The following DYM variants were observed in gnomAD, a reference collection of about 807,000 sequenced individuals.
DYM encodes the protein dymeclin.
A neutral mutation model predicts 93.1 loss-of-function variants in DYM; 78 were observed. That is an observed-to-expected ratio of 0.84 (90% confidence interval 0.70 to 1.01). The LOEUF (loss-of-function observed/expected upper bound fraction) is 1.01. DYM is among the 50% of genes least tolerant of loss of function. The pLI is 0.00. For missense variants in DYM, 789 were observed against 845.0 expected, an observed-to-expected ratio of 0.93 and a Z score of 0.82; for synonymous variants, 321 against 319.7, an observed-to-expected ratio of 1.00 and a Z score of -0.04.
intron 15 of DYM, among the ~76,000 whole-genome samples, chr18:49,142,014 C>A (rs974210318): frequency 1.3e-5 from 2 of 150,336 alleles, no homozygotes; most frequent in East Asian, 3.9e-4. Context: ...CCACCACGCC[C>A]GGCTAATTTT....
At chr18:49,332,277 G>A (rs2063363086) in intron 7 of DYM, among the ~76,000 whole-genome samples, 1 of 152,022 alleles carries the variant, frequency 6.6e-6, no homozygotes, top group Admixed American at 6.5e-5. Context: ...GGAGAAACAA[G>A]GTCTGGTAGA....
chr18:49,197,961 C>T (rs148813803), intron 14 of DYM, among the ~76,000 whole-genome samples: 7,161 of 152,240 alleles, frequency 0.047, 555 homozygotes, highest in African/African-American at 0.16. Context: ...GGAGGCATCA[C>T]GCTACTTGAC....
intron 15 of DYM, among the ~76,000 whole-genome samples, chr18:49,154,008 T>C (rs947033769): frequency 3.3e-5 from 5 of 152,202 alleles, no homozygotes; most frequent in African/African-American, 1.2e-4. Context: ...ATCAATATCA[T>C]GTATTTCCCA....
chr18:49,423,690 C>T lies in DYM; in HGVS notation c.140+6565G>A, dbSNP rs867336852. 2.5e-3 allele frequency among the ~76,000 whole-genome samples: 385 copies of T among 151,508 alleles called. 1 individual carries two copies. The highest frequency in any genetic ancestry group is 6.1e-3 in the African/African-American group (254 of 41,344). On this transcript the variant is annotated intron_variant, in intron 2 of 17. Coordinates refer to ENST00000675505, the MANE Select transcript of DYM (RefSeq NM_001353214.3). ...AGAAAAGAGAGAAGAATCAAATAGA[C>T]GCAATAAAAAATGATAAAGGGGATA...
At chr18:49,418,060 G>GAAGA (rs1555736188) in intron 2 of DYM, 2 of 107,710 alleles carry the variant, frequency 1.9e-5, no homozygotes, top group Non-Finnish European at 3.6e-5. Context: ...AACTCTGTCT[G>GAAGA]AAAAAAAAAA....
intron 11 of DYM, 138 bp downstream of exon 11, chr18:49,272,040 C>T: frequency 2.1e-6 from 1 of 473,572 alleles, no homozygotes; most frequent in Non-Finnish European, 3.6e-6. Flanking sequence ...CTTCATAAAT[C>T]TGAAGAAAGA....
chr18:49,123,045 C>A (rs1341141210), intron 15 of DYM, among the ~76,000 whole-genome samples: 1 of 152,088 alleles, frequency 6.6e-6, no homozygotes, highest in African/African-American at 2.4e-5. Flanking sequence ...TTACTTATTT[C>A]TGTTTTTATT....
Position 49,199,728 on chromosome 18 carries a change from T to G in DYM, c.1625+9823A>C, listed in dbSNP as rs139051544. ...ATTACAGATTAAGTGAATAGCATAT[T>G]ATATGACAAGACCATTCCAGCAATT... On this transcript the variant is annotated intron_variant, in intron 14 of 17. Coordinates refer to ENST00000675505, the MANE Select transcript of DYM (RefSeq NM_001353214.3). 7.7e-4 allele frequency among the ~76,000 whole-genome samples: 117 copies of G among 152,316 alleles called. 4 individuals carry two copies. The East Asian group carries it at 0.022, about 29-fold the overall frequency.
At chr18:49,428,530 C>T (rs1349595121) in intron 2 of DYM, among the ~76,000 whole-genome samples, 2 of 152,048 alleles carry the variant, frequency 1.3e-5, no homozygotes, top group Non-Finnish European at 1.5e-5. Flanking sequence ...ACAAAAAATA[C>T]AAAAATTAGC....
At chr18:49,106,939 T>G (rs567702476) in intron 16 of DYM, among the ~76,000 whole-genome samples, 238 of 152,268 alleles carry the variant, frequency 1.6e-3, no homozygotes, top group African/African-American at 5.2e-3. Flanking sequence ...TTTCCTGAAT[T>G]TGAATGTTGG....
chr18:49,106,969 G>A (rs555505714), intron 16 of DYM, among the ~76,000 whole-genome samples: 8 of 152,306 alleles, frequency 5.3e-5, no homozygotes, highest in Non-Finnish European at 5.9e-5. Flanking sequence ...CTAGATTGGG[G>A]AAGTTCTCCT....
At chr18:49,428,651 A>C (rs1362297430) in intron 2 of DYM, among the ~76,000 whole-genome samples, 1 of 152,150 alleles carries the variant, frequency 6.6e-6, no homozygotes, top group African/African-American at 2.4e-5. Context: ...GCGCCACTGA[A>C]CTCTAGCAGA....
intron 8 of DYM, 33 bp from the exon 9 acceptor site, chr18:49,286,649 G>A: frequency 1.9e-6 from 3 of 1,595,160 alleles, no homozygotes; most frequent in Admixed American, 1.7e-5. Flanking sequence ...AGGATGTGCT[G>A]CCACCAATGA....
At position 49,356,522 on chromosome 18, in the gene DYM, C is replaced by A. The variant is rs527268216; in HGVS notation, c.494+6639G>T. The stretch of plus-strand genomic sequence containing the variant: ...GCTGTAGTCACCCCCCAACCCTACC[C>A]TCACTCCTCCACCCACCTTACGGCT... On this transcript the variant is annotated intron_variant, in intron 6 of 17. Transcript: ENST00000675505. Among the ~76,000 whole-genome samples the A allele has an allele frequency of 3.9e-5, 6 of 152,244 alleles. No individual in the cohort carries two copies. The South Asian group carries it at 1.2e-3, about 32-fold the overall frequency.
In DYM at chr18:49,257,108, T is replaced by A; in HGVS notation, c.1366-4A>T. 1 of 1,611,210 alleles carries A rather than the reference T, an allele frequency of 6.2e-7. No homozygotes were observed. The highest frequency in any genetic ancestry group is 8.5e-7 in the Non-Finnish European group (1 of 1,177,364). ...AATTTGTGTGAAGGTACTTGTCCTG[T>A]GAGGAAACAGCGGGTGTAAAACATA... On this transcript the variant is annotated splice_polypyrimidine_tract_variant and splice_region_variant and intron_variant, in intron 12 of 17. Transcript: ENST00000675505.
At chr18:49,415,497 G>A (rs2072863503) in intron 2 of DYM, among the ~76,000 whole-genome samples, 1 of 147,978 alleles carries the variant, frequency 6.8e-6, no homozygotes, top group East Asian at 2.0e-4. Flanking sequence ...GCATTACTTT[G>A]GTACTTAGAA....
chr18:49,347,641 C>A (rs1241344320), intron 6 of DYM, among the ~76,000 whole-genome samples: 1 of 152,114 alleles, frequency 6.6e-6, no homozygotes, highest in African/African-American at 2.4e-5. Context: ...AATGGCATTT[C>A]CTCCCGTAAC....
At chr18:49,094,808 A>C (rs1345616285) in intron 17 of DYM, among the ~76,000 whole-genome samples, 3 of 152,182 alleles carry the variant, frequency 2.0e-5, no homozygotes, top group Non-Finnish European at 4.4e-5. Context: ...TCAATTCTAC[A>C]ATGCAAGGGA....
intron 2 of DYM, among the ~76,000 whole-genome samples, chr18:49,421,608 C>T (rs1426809131): frequency 3.9e-5 from 6 of 152,226 alleles, no homozygotes; most frequent in Non-Finnish European, 8.8e-5. Flanking sequence ...TCCAAAGGAA[C>T]GCAGCTCCTC....
Sources: gnomAD v4.1 joint callset for allele counts (sites outside exome capture counted in the v4.1 genomes callset) on GRCh38, gnomAD v4.1.1 for gene constraint, MANE v1.5 for transcripts, NCBI Gene and HGNC (gene_info 2026-07-23, HGNC 2026-07-21) for gene names.